The following MOGS variants were observed in gnomAD, a reference collection of about 807,000 sequenced individuals.
MOGS encodes epididymis secretory sperm binding protein.
MOGS carries 45 observed loss-of-function variants against 68.5 expected under a neutral mutation model. The ratio of observed to expected loss-of-function variants is 0.66; its 90% confidence interval spans 0.52 to 0.84. The LOEUF (loss-of-function observed/expected upper bound fraction) is 0.84, where lower values mean the gene tolerates loss of function less well. MOGS is among the 40% of genes least tolerant of loss of function. The pLI is 0.00. For synonymous variants in MOGS, 492 were observed against 461.2 expected, an observed-to-expected ratio of 1.07 and a Z score of -0.86; for missense variants, 1,020 against 1,095.0, an observed-to-expected ratio of 0.93 and a Z score of 0.97.
At position 74,464,652 on chromosome 2, in the gene MOGS, G is replaced by T. The variant is rs773419683; in HGVS notation, c.423C>A (p.Asp141Glu). ...PKLRHTCEQG[D>E]GVGPYGWEFH... ...ACTCCCAGCCATAGGGACCCACACC[G>T]TCCCCCTGCTCACACGTGTGCCTGA... is the stretch of plus-strand genomic sequence containing the variant. Residue 141 changes from aspartate to glutamate, a missense_variant, in exon 2 of 4, where the codon GAC becomes GAA. This residue lies in a region of MOGS where 569 missense variants were observed against 571.9 expected (regional missense o/e 0.99). Coordinates refer to ENST00000448666, the MANE Select transcript of MOGS (RefSeq NM_006302.3). The T allele has an allele frequency of 6.2e-7, 1 of 1,613,938 alleles. No homozygotes were observed. The highest frequency in any genetic ancestry group is 8.5e-7 in the Non-Finnish European group (1 of 1,180,032).
chr2:74,462,824 T>C lies in MOGS; in HGVS notation c.965A>G (p.Gln322Arg). The change falls in exon 4 of 4, where the codon CAG becomes CGG. Residue 322 changes from glutamine to arginine, a missense_variant. By Grantham distance (43) the Gln-to-Arg change is conservative (BLOSUM62 1). Transcript: ENST00000448666. ...AATGGGAATTTTCAGGGTCACCTGC[T>C]GTATCAAGAACTGCCCCTGCCCTTG... ...SGQGQGQFLI[Q>R]QVTLKIPISI... 1 of 1,614,244 alleles carries C rather than the reference T, an allele frequency of 6.2e-7. No individual in the cohort carries two copies. The highest frequency in any genetic ancestry group is 8.5e-7 in the Non-Finnish European group (1 of 1,180,050).
Position 74,463,840 on chromosome 2 carries a change from T to G in MOGS, c.580-454A>C, listed in dbSNP as rs1254630755. ...CACCACGCCCAGCTAATTTTTTGTA[T>G]TTTTAGTAGAGACCGGGTTTCACCG... On this transcript the variant is annotated intron_variant, in intron 2 of 3. Transcript: ENST00000448666. Among the ~76,000 whole-genome samples, 3 of 151,510 alleles carry G rather than the reference T, an allele frequency of 2.0e-5. No individual in the cohort carries two copies. In the East Asian group the frequency reaches 5.8e-4, roughly 29 times the overall value.
Position 74,462,737 on chromosome 2 carries a change from C to G in MOGS, c.1052G>C (p.Arg351Thr), listed in dbSNP as rs368536824. The G allele has an allele frequency of 7.4e-6, 12 of 1,614,140 alleles. No individual in the cohort carries two copies. In the African/African-American group the frequency reaches 1.5e-4, roughly 20 times the overall value. ...CTGGGTCAGTAGACTGCCTGCCAGT[C>G]TTGGCAGGGCTTGATTTCCTCCTGC... ...AQAGGNQALP[R>T]LAGSLLTQAL... The change falls in exon 4 of 4, where the codon AGA (arginine) becomes ACA (threonine). Residue 351 changes from arginine (R) to threonine (T), a missense_variant. Physicochemically the swap from Arg to Thr is moderately conservative, Grantham distance 71 (BLOSUM62 -1). Around this residue, in one of 3 missense-constraint regions of MOGS, gnomAD observed 569 missense variants for 571.9 expected, o/e 0.99. Coordinates refer to ENST00000448666, the MANE Select transcript of MOGS (RefSeq NM_006302.3).
At position 74,464,599 on chromosome 2, in the gene MOGS, T is replaced by A. The variant is rs776263791; in HGVS notation, c.476A>T (p.Gln159Leu). The A allele has an allele frequency of 7.7e-5, 125 of 1,613,900 alleles. No homozygotes were observed. Among genetic ancestry groups the A allele is most frequent in the Non-Finnish European group, 9.6e-5 (113 of 1,180,022 alleles). The change falls in exon 2 of 4, where the codon CAA (glutamine) becomes CTA (leucine). Residue 159 changes from glutamine (Q) to leucine (L), a missense_variant. Gln to Leu is a moderately radical substitution (Grantham distance 113). Around this residue, in one of 3 missense-constraint regions of MOGS, gnomAD observed 569 missense variants for 571.9 expected, o/e 0.99. Coordinates refer to ENST00000448666, the MANE Select transcript of MOGS (RefSeq NM_006302.3). ...CCTTAAGGCCCCATCCTGGATGTGT[T>A]GGCGCCCGAAGGAGAGGCCGTCGTG... ...EFHDGLSFGR[Q>L]HIQDGALRLT...
Position 74,462,063 on chromosome 2 carries a change from TG to T in MOGS, c.1725del (p.Lys576ArgfsTer18). On this transcript the variant is annotated frameshift_variant, in exon 4 of 4. Transcript: ENST00000448666. LOFTEE classifies it high-confidence loss of function. ...RDPALPTLLN[P>X]KTLPSGLDDY... ...TCATCCAGCCCAGAGGGTAGGGTCT[TG>T]GGGTTCAGTAAGGTTGGTAAGGCAG... 1.2e-6 allele frequency: 2 copies of T among 1,614,086 alleles called. No individual in the cohort carries two copies. The highest frequency in any genetic ancestry group is 1.7e-6 in the Non-Finnish European group (2 of 1,179,986).
Position 74,463,182 on chromosome 2 carries a change from C to T in MOGS, c.776+8G>A, listed in dbSNP as rs1446896939. ...TTCCATCCCCCAACATTCTTTTCCC[C>T]CAGTTACCTGCCATACTTGGGGGCT... is the stretch of plus-strand genomic sequence containing the variant. On this transcript the variant is annotated splice_region_variant and intron_variant, in intron 3 of 3. Coordinates refer to ENST00000448666, the MANE Select transcript of MOGS (RefSeq NM_006302.3). 1.2e-6 allele frequency: 2 copies of T among 1,614,020 alleles called. No homozygotes were observed. The highest frequency in any genetic ancestry group is 1.7e-6 in the Non-Finnish European group (2 of 1,179,974).
chr2:74,464,796 A>T, intron 1 of MOGS, 74 bp from the exon 2 acceptor site: 1 of 1,562,784 alleles, frequency 6.4e-7, no homozygotes, highest in South Asian at 1.2e-5. Flanking sequence ...ATCCCTCTTC[A>T]TAACTCTCCT....
chr2:74,461,582 G>T lies in MOGS; in HGVS notation c.2207C>A (p.Ser736Tyr), dbSNP rs1295442478. The T allele has an allele frequency of 3.1e-6, 5 of 1,613,890 alleles. No homozygotes were observed. The highest frequency in any genetic ancestry group is 4.2e-6 in the Non-Finnish European group (5 of 1,179,910). The stretch of plus-strand genomic sequence containing the variant: ...CTCTGAATTGCGCTGGCCATAAAAG[G>T]AGCTGGAGGCTGCAAGGGAGCGTAA... Reference protein sequence around the residue: ...FGLRSLAASSSFYGQRNSEHD... With the variant: ...FGLRSLAASSYFYGQRNSEHD... Residue 736 changes from serine to tyrosine, a missense_variant, in exon 4 of 4, where the codon TCC becomes TAC. This residue lies in a region of MOGS where 270 missense variants were observed against 261.3 expected (regional missense o/e 1.03). Transcript: ENST00000448666.
rs1270682565 is a variant in MOGS, at chr2:74,462,372, GGCC to G, written c.1414_1416del (p.Gly472del). On this transcript the variant is annotated inframe_deletion, in exon 4 of 4. Transcript: ENST00000448666. Reference sequence around the variant, plus strand: ...TCAGCATTTAGCAGCCCCAGCCAGTGGCCAAGGGCTTCCCGGGTGAGGGAGGGA... The same window carrying G: ...TCAGCATTTAGCAGCCCCAGCCAGTGAAGGGCTTCCCGGGTGAGGGAGGGA... 1.2e-6 allele frequency: 2 copies of G among 1,614,124 alleles called. No homozygotes were observed. The highest frequency in any genetic ancestry group is 2.2e-5 in the South Asian group (2 of 91,090).
In MOGS at chr2:74,463,012, G is replaced by T; in HGVS notation, c.777C>A (p.Ser259Arg). The T allele has an allele frequency of 6.2e-7, 1 of 1,613,998 alleles. No homozygotes were observed. Among genetic ancestry groups the T allele is most frequent in the Non-Finnish European group, 8.5e-7 (1 of 1,180,026 alleles). ...SPGDTAPKYG[S>R]YNVFWTSNPG... ...GGTTGGAGGTCCAGAAGACATTGTAGCTTGAAGGGGAGAAGATAAATAGGA... is the reference window on the plus strand; with the variant it reads ...GGTTGGAGGTCCAGAAGACATTGTATCTTGAAGGGGAGAAGATAAATAGGA... Residue 259 changes from serine (S) to arginine (R), a missense_variant and splice_region_variant, in exon 4 of 4, where the codon AGC (serine) becomes AGA (arginine). This residue lies in a region of MOGS where 569 missense variants were observed against 571.9 expected (regional missense o/e 0.99). Transcript: ENST00000448666.
In MOGS at chr2:74,462,602, C is replaced by T. The variant is rs1367790244; in HGVS notation, c.1187G>A (p.Ser396Asn). 2 of 1,614,062 alleles carry T rather than the reference C, an allele frequency of 1.2e-6. No individual in the cohort carries two copies. Among genetic ancestry groups the T allele is most frequent in the African/African-American group, 1.3e-5 (1 of 74,952 alleles). Residue 396 changes from serine to asparagine, a missense_variant, in exon 4 of 4, where the codon AGC becomes AAC. This residue lies in a region of MOGS where 569 missense variants were observed against 571.9 expected (regional missense o/e 0.99). Transcript: ENST00000448666. ...GEQVLGQAAL[S>N]GLLGGIGYFY... ...GTAGCCAATTCCACCAAGGAGGCCG[C>T]TGAGGGCAGCCTGACCCAAAACCTG... is the stretch of plus-strand genomic sequence containing the variant.
Position 74,463,396 on chromosome 2 carries a change from C to G in MOGS, c.580-10G>C. ...CAGAAGTACCTGAGTCCTGAGTGAC[C>G]AACGAGGACAGAAAAGAACAGTGTT... is the stretch of plus-strand genomic sequence containing the variant. On this transcript the variant is annotated splice_polypyrimidine_tract_variant and intron_variant, in intron 2 of 3. Transcript: ENST00000448666. 3 of 1,612,650 alleles carry G rather than the reference C, an allele frequency of 1.9e-6. No individual in the cohort carries two copies. The highest frequency in any genetic ancestry group is 2.5e-6 in the Non-Finnish European group (3 of 1,178,746).
Position 74,462,655 on chromosome 2 carries a change from C to T in MOGS, c.1134G>A (p.Leu378=), listed in dbSNP as rs886294461. 8 of 1,614,262 alleles carry T rather than the reference C, an allele frequency of 5.0e-6. No individual in the cohort carries two copies. Among genetic ancestry groups the T allele is most frequent in the Non-Finnish European group, 6.8e-6 (8 of 1,180,048 alleles). ...FRERFEKTFQ[L]KEKGLSSGEQ... ...CGCCAGAGCTCAGGCCCTTCTCCTT[C>T]AGCTGGAAGGTCTTCTCAAAGCGCT... Residue 378 remains leucine (L), a synonymous_variant, in exon 4 of 4, where the codon CTG becomes CTA. Coordinates refer to ENST00000448666, the MANE Select transcript of MOGS (RefSeq NM_006302.3).
Position 74,462,452 on chromosome 2 carries a change from C to G in MOGS, c.1337G>C (p.Arg446Pro). The G allele has an allele frequency of 6.2e-7, 1 of 1,611,850 alleles. No individual in the cohort carries two copies. Among genetic ancestry groups the G allele is most frequent in the Non-Finnish European group, 8.5e-7 (1 of 1,178,498 alleles). Residue 446 changes from arginine to proline, a missense_variant, in exon 4 of 4, where the codon CGA becomes CCA. By Grantham distance (103) the Arg-to-Pro change is moderately radical. Around this residue, in one of 3 missense-constraint regions of MOGS, gnomAD observed 181 missense variants for 261.8 expected, o/e 0.69. Coordinates refer to ENST00000448666, the MANE Select transcript of MOGS (RefSeq NM_006302.3). ...AAAGCCTTCATCCCAAAGGAAGCCT[C>G]GTGGGAAGAATGACCGGGAGGGCAC... The part of the protein sequence containing the change: ...TAVPSRSFFP[R>P]GFLWDEGFHQ...
chr2:74,461,604 G>C lies in MOGS; in HGVS notation c.2185C>G (p.Arg729Gly), dbSNP rs777010548. The change falls in exon 4 of 4, where the codon CGC becomes GGC. Residue 729 changes from arginine to glycine, a missense_variant. Physicochemically the swap from Arg to Gly is moderately radical, Grantham distance 125. Around this residue, in one of 3 missense-constraint regions of MOGS, gnomAD observed 270 missense variants for 261.3 expected, o/e 1.03. Transcript: ENST00000448666. ...AAGGAGCTGGAGGCTGCAAGGGAGCGTAAACCAAAGGGGCTCCAGAGATGG... is the reference window on the plus strand; with the variant it reads ...AAGGAGCTGGAGGCTGCAAGGGAGCCTAAACCAAAGGGGCTCCAGAGATGG... ...SRHLWSPFGL[R>G]SLAASSSFYG... 5 of 1,613,936 alleles carry C rather than the reference G, an allele frequency of 3.1e-6. No individual in the cohort carries two copies. The East Asian group carries it at 1.1e-4, about 36-fold the overall frequency.
chr2:74,464,726 G>C lies in MOGS; in HGVS notation c.353-4C>G. The C allele has an allele frequency of 6.2e-7, 1 of 1,609,002 alleles. No homozygotes were observed. Among genetic ancestry groups the C allele is most frequent in the Non-Finnish European group, 8.5e-7 (1 of 1,176,530 alleles). ...CCCTGCTGCGCCCACATCAGTCCTG[G>C]GGGTAGAATGGCCACGTAAGTCAAA... On this transcript the variant is annotated splice_polypyrimidine_tract_variant and splice_region_variant and intron_variant, in intron 1 of 3. Transcript: ENST00000448666.
At position 74,464,527 on chromosome 2, in the gene MOGS, T is replaced by C. The variant is rs1311743222; in HGVS notation, c.548A>G (p.Asp183Gly). 1.2e-6 allele frequency: 2 copies of C among 1,614,008 alleles called. No individual in the cohort carries two copies. Residue 183 changes from aspartate (D) to glycine (G), a missense_variant, in exon 2 of 4, where the codon GAC becomes GGC. Around this residue, in one of 3 missense-constraint regions of MOGS, gnomAD observed 569 missense variants for 571.9 expected, o/e 0.99. Transcript: ENST00000448666. ...CTCTACAGTCACTCTCCAGCTCCAG[T>C]CCCCTCCGTGCTGACCCCCAGGCCT... ...VKRPGGQHGG[D>G]WSWRVTVEPQ... is the part of the protein sequence containing the mutation.
Position 74,461,140 on chromosome 2 carries a change from C to G in MOGS, c.*135G>C. Reference sequence around the variant, plus strand: ...ACCCCAGGGCTATGTGGGATGACAGCAAGGAGACACCTGAGATGAAATGAG... The same window carrying G: ...ACCCCAGGGCTATGTGGGATGACAGGAAGGAGACACCTGAGATGAAATGAG... On this transcript the variant is annotated 3_prime_UTR_variant, in exon 4 of 4. Coordinates refer to ENST00000448666, the MANE Select transcript of MOGS (RefSeq NM_006302.3). The G allele has an allele frequency of 1.0e-6, 1 of 973,054 alleles. No homozygotes were observed. Among genetic ancestry groups the G allele is most frequent in the Admixed American group, 2.0e-5 (1 of 50,312 alleles). 60.3% of individuals were successfully genotyped at this position (973,054 alleles called of 1,614,324 possible).
chr2:74,463,075 G>T, intron 3 of MOGS, 63 bp from the exon 4 acceptor site: 3 of 1,611,370 alleles, frequency 1.9e-6, no homozygotes, highest in Admixed American at 1.7e-5. Context: ...ATTATAAAGA[G>T]AAATACAAAG....
Sources: gnomAD v4.1 joint callset for allele counts (sites outside exome capture counted in the v4.1 genomes callset) on GRCh38, gnomAD v4.1.1 for gene constraint, gnomAD v4.1.1 regional missense constraint, MANE v1.5 for transcripts, NCBI Gene and HGNC (gene_info 2026-07-23, HGNC 2026-07-21) for gene names.